Variants in NAALADL2 observed in about 807,000 individuals in gnomAD.
NAALADL2 encodes the protein inactive N-acetylated-alpha-linked acidic dipeptidase-like protein 2.
A neutral mutation model predicts 87.2 loss-of-function variants in NAALADL2; 76 were observed. The ratio of observed to expected loss-of-function variants is 0.87; its 90% CI spans 0.72 to 1.05. The LOEUF (loss-of-function observed/expected upper bound fraction) is 1.05. Among genes scored for constraint, NAALADL2 ranks in the 50% least tolerant of loss-of-function variants. The probability of loss-of-function intolerance (pLI) is 0.00; values close to 1 mark genes in which losing one functional copy is unlikely to be tolerated. For missense variants in NAALADL2, 1,089 were observed against 945.8 expected (o/e 1.15, Z -1.99); for synonymous variants, 354 against 331.0 (o/e 1.07, Z -0.75).
chr3:174,935,998 A>G (rs985406448), intron 1 of NAALADL2, among the ~76,000 whole-genome samples: 4 of 152,148 alleles, frequency 2.6e-5, no homozygotes, highest in Non-Finnish European at 5.9e-5. Context: ...TTTTGCAAAA[A>G]TGATATATAG....
At chr3:175,359,714 T>G (rs1051113739) in intron 5 of NAALADL2, among the ~76,000 whole-genome samples, 1 of 152,088 alleles carries the variant, frequency 6.6e-6, no homozygotes, top group African/African-American at 2.4e-5. Flanking sequence ...CCTCAAAGAA[T>G]TAAACATTAA....
intron 3 of NAALADL2, among the ~76,000 whole-genome samples, chr3:174,849,966 TTC>T (rs1437715458): frequency 2.6e-5 from 4 of 152,092 alleles, no homozygotes; most frequent in Non-Finnish European, 5.9e-5. Context: ...GATTTTATAT[TTC>T]TCTGTCACTT....
Position 174,979,304 on chromosome 3 carries a change from C to CTTTTTTTTTTT in NAALADL2, c.44-117477_44-117467dup, listed in dbSNP as rs5854604. On this transcript the variant is annotated intron_variant, in intron 1 of 13. Coordinates refer to ENST00000454872, the MANE Select transcript of NAALADL2 (RefSeq NM_207015.3). ...TAGTATAATTTTCTTTCTTTCTTTT[C>CTTTTTTTTTTT]TTTTTTTTTTTTTTTTTTTGAGACG... Among the ~76,000 whole-genome samples, 55 of 105,196 alleles carry CTTTTTTTTTTT rather than the reference C, an allele frequency of 5.2e-4. 1 individual carries two copies. Among genetic ancestry groups the CTTTTTTTTTTT allele is most frequent in the African/African-American group, 1.1e-3 (27 of 25,130 alleles). The allele number at this position is 105,196 out of a possible 152,430, so 69.0% of individuals were successfully genotyped here. A position where few individuals can be genotyped will look rare whatever the true frequency, so the allele number is the denominator to read the frequency against.
At chr3:174,920,921 A>G (rs1735089459) in intron 1 of NAALADL2, among the ~76,000 whole-genome samples, 1 of 152,192 alleles carries the variant, frequency 6.6e-6, no homozygotes, top group Non-Finnish European at 1.5e-5. Flanking sequence ...GAAACAGAAG[A>G]GCGGCTGATT....
At chr3:174,642,779 T>C (rs113903130) in intron 2 of NAALADL2, among the ~76,000 whole-genome samples, 64,317 of 135,894 alleles carry the variant, frequency 0.47, 15,714 homozygotes, top group East Asian at 0.67. Flanking sequence ...TATATATATA[T>C]ATATATATAT....
intron 10 of NAALADL2, among the ~76,000 whole-genome samples, chr3:175,606,033 G>A (rs1441100184): frequency 6.6e-6 from 1 of 152,144 alleles, no homozygotes; most frequent in African/African-American, 2.4e-5. Context: ...GGACCTCTCA[G>A]CAAGTTTTAG....
chr3:175,147,429 T>A (rs927943146), intron 2 of NAALADL2, among the ~76,000 whole-genome samples: 1 of 152,184 alleles, frequency 6.6e-6, no homozygotes, highest in African/African-American at 2.4e-5. Flanking sequence ...TTTGTTCTTT[T>A]TTGTGGCTGT....
At chr3:174,575,564 T>C (rs942274496) in intron 2 of NAALADL2, among the ~76,000 whole-genome samples, 2 of 152,164 alleles carry the variant, frequency 1.3e-5, no homozygotes, top group Non-Finnish European at 2.9e-5. Flanking sequence ...GATATGTAAA[T>C]TGGTGATTTT....
intron 2 of NAALADL2, among the ~76,000 whole-genome samples, chr3:175,181,725 A>ATGTG (rs1455683068): frequency 1.6e-5 from 1 of 61,752 alleles, no homozygotes; most frequent in Admixed American, 2.1e-4. Context: ...GTGTATATAT[A>ATGTG]TGTATATATG....
chr3:175,086,082 A>C (rs1718843569), intron 1 of NAALADL2, among the ~76,000 whole-genome samples: 1 of 152,236 alleles, frequency 6.6e-6, no homozygotes, highest in South Asian at 2.1e-4. Context: ...ATGACTCCAA[A>C]ACAGCAGGTT....
chr3:174,797,305 C>CTTTCTTTTTTTT (rs1718236831), intron 3 of NAALADL2, among the ~76,000 whole-genome samples: 3 of 72,722 alleles, frequency 4.1e-5, no homozygotes, highest in African/African-American at 2.1e-4. Context: ...TTTCTTTTTT[C>CTTTCTTTTTTTT]TTTTTTTTTT....
rs1221648284 is a variant in NAALADL2, at chr3:175,419,011, C to CT, written c.1091-28206dup. ...ATCATCACTTTTCTGTTTTCTTTTTCTTTTTTTTTTTTATGTTTTGGAGTC... is the reference window on the plus strand; with the variant it reads ...ATCATCACTTTTCTGTTTTCTTTTTCTTTTTTTTTTTTTATGTTTTGGAGTC... On this transcript the variant is annotated intron_variant, in intron 5 of 13. Coordinates refer to ENST00000454872, the MANE Select transcript of NAALADL2 (RefSeq NM_207015.3). Among the ~76,000 whole-genome samples the CT allele has an allele frequency of 2.8e-3, 402 of 143,228 alleles. 3 individuals are homozygous for CT. The highest frequency in any genetic ancestry group is 0.011 in the Middle Eastern group (3 of 276). The allele number at this position is 143,228 out of a possible 152,430, so 94.0% of individuals were successfully genotyped here.
intron 1 of NAALADL2, among the ~76,000 whole-genome samples, chr3:174,525,881 G>A (rs1033326261): frequency 1.3e-5 from 2 of 152,110 alleles, no homozygotes; most frequent in Non-Finnish European, 2.9e-5. Flanking sequence ...TCCCCCATGA[G>A]CATTTCTAAT....
intron 1 of NAALADL2, among the ~76,000 whole-genome samples, chr3:174,451,222 T>G (rs1715459840): frequency 6.6e-6 from 1 of 152,204 alleles, no homozygotes; most frequent in Non-Finnish European, 1.5e-5. Context: ...TACTGAGGGT[T>G]TAATTTATTG....
In NAALADL2 at chr3:175,463,990, C is replaced by T. The variant is rs376626982; in HGVS notation, c.1327+497C>T. On this transcript the variant is annotated intron_variant, in intron 7 of 13. Transcript: ENST00000454872. Reference sequence around the variant, plus strand: ...GACTACAGGCACCCACCACCAAGCCCGGCTAATTTTTCATTTTGTATTTTT... The same window carrying T: ...GACTACAGGCACCCACCACCAAGCCTGGCTAATTTTTCATTTTGTATTTTT... Among the ~76,000 whole-genome samples the T allele has an allele frequency of 2.8e-4, 43 of 152,120 alleles. 1 individual carries two copies. The East Asian group carries it at 5.4e-3, about 19-fold the overall frequency.
At chr3:175,496,548 T>C (rs1347295938) in intron 9 of NAALADL2, among the ~76,000 whole-genome samples, 2 of 152,096 alleles carry the variant, frequency 1.3e-5, no homozygotes, top group African/African-American at 4.8e-5. Context: ...CTAACACTAT[T>C]TTGTTGTGGT....
At chr3:175,656,830 T>A (rs936783628) in intron 11 of NAALADL2, among the ~76,000 whole-genome samples, 2 of 152,044 alleles carry the variant, frequency 1.3e-5, no homozygotes, top group African/African-American at 4.8e-5. Flanking sequence ...TGAAAGCAAA[T>A]TTTTTGCTGG....
intron 11 of NAALADL2, among the ~76,000 whole-genome samples, chr3:175,729,846 G>T (rs540120362): frequency 4.3e-4 from 62 of 144,150 alleles, no homozygotes; most frequent in Non-Finnish European, 6.0e-4. Flanking sequence ...CAGGTGTTAT[G>T]CTTATCTTAC....
chr3:175,299,383 G>A (rs1206865297), intron 4 of NAALADL2, among the ~76,000 whole-genome samples: 2 of 151,996 alleles, frequency 1.3e-5, no homozygotes, highest in Admixed American at 1.3e-4. Flanking sequence ...ACTTTGGCCA[G>A]TATGGCCATT....
Sources: gnomAD v4.1 joint callset for allele counts (sites outside exome capture counted in the v4.1 genomes callset) on GRCh38, gnomAD v4.1.1 for gene constraint, MANE v1.5 for transcripts, NCBI Gene and HGNC (gene_info 2026-07-23, HGNC 2026-07-21) for gene names.